Variants in SORL1 observed in about 807,000 individuals in gnomAD.
The protein encoded by SORL1 is sortilin related receptor 1, also known as sortilin-related receptor.
SORL1 carries 127 observed loss-of-function variants against 273.7 expected under a neutral mutation model. The ratio of observed to expected loss-of-function variants is 0.46; its 90% CI spans 0.40 to 0.54. The LOEUF (loss-of-function observed/expected upper bound fraction) is 0.54. Among genes scored for constraint, SORL1 ranks in the 20% least tolerant of loss-of-function variants. The pLI, the probability that SORL1 is intolerant of heterozygous loss-of-function variation, is 0.00. For synonymous variants in SORL1, 1,031 were observed against 1,067.4 expected (o/e 0.97, Z 0.66); for missense variants, 2,494 against 2,846.1 (o/e 0.88, Z 2.81).
At chr11:121,587,800 G>A (rs1042361922) in intron 27 of SORL1, among the ~76,000 whole-genome samples, 7 of 152,124 alleles carry the variant, frequency 4.6e-5, no homozygotes, top group African/African-American at 1.4e-4. Context: ...TTGAATTAGC[G>A]ACAATAAAAT....
Position 121,514,137 on chromosome 11 carries a change from C to A in SORL1, c.1042-15C>A. On this transcript the variant is annotated splice_polypyrimidine_tract_variant and intron_variant, in intron 7 of 47. Transcript: ENST00000260197. The stretch of plus-strand genomic sequence containing the variant: ...TTGTTTTTTGACGTATCTTTTTTGA[C>A]TTTTGATTCCAAAGGAATATTACAT... The A allele has an allele frequency of 1.2e-6, 2 of 1,606,362 alleles. No homozygotes were observed. Among genetic ancestry groups the A allele is most frequent in the African/African-American group, 1.3e-5 (1 of 74,498 alleles).
intron 3 of SORL1, among the ~76,000 whole-genome samples, chr11:121,480,944 A>G (rs1861369777): frequency 8.2e-6 from 1 of 121,314 alleles, no homozygotes; most frequent in Non-Finnish European, 1.7e-5. Flanking sequence ...CTCCTCCCCT[A>G]GTGCACAGAT....
chr11:121,566,136 G>A (rs892421744), intron 21 of SORL1, among the ~76,000 whole-genome samples: 3 of 152,158 alleles, frequency 2.0e-5, no homozygotes, highest in Non-Finnish European at 1.5e-5. Flanking sequence ...GCTAGCTCAA[G>A]TGAATGGTTT....
intron 47 of SORL1, among the ~76,000 whole-genome samples, chr11:121,628,536 A>G (rs957936967): frequency 6.6e-6 from 1 of 152,180 alleles, no homozygotes; most frequent in East Asian, 1.9e-4. Context: ...GCGGCCCCCC[A>G]TTCCTAACAG....
At position 121,595,967 on chromosome 11, in the gene SORL1, A is replaced by G. The variant is rs979601075; in HGVS notation, c.4519+195A>G. ...CCATTGCGTTAGTCACCTTCTTTTT[A>G]ATAAGTTGACTGCGTTTTAAATACC... On this transcript the variant is annotated intron_variant, in intron 32 of 47. Transcript: ENST00000260197. The surrounding 1 kb of genome is among the most constrained non-coding windows in gnomAD (Gnocchi z 5.1). Among the ~76,000 whole-genome samples the G allele has an allele frequency of 6.6e-6, 1 of 152,212 alleles. No homozygotes were observed. Among genetic ancestry groups the G allele is most frequent in the African/African-American group, 2.4e-5 (1 of 41,448 alleles).
chr11:121,489,368 C>T (rs563238082), intron 4 of SORL1, among the ~76,000 whole-genome samples: 34 of 152,312 alleles, frequency 2.2e-4, no homozygotes, highest in African/African-American at 7.7e-4. Context: ...TGAAACGCTA[C>T]ACCCATGAAA....
chr11:121,465,010 A>C (rs918126415), intron 1 of SORL1, among the ~76,000 whole-genome samples: 3 of 152,228 alleles, frequency 2.0e-5, no homozygotes, highest in Non-Finnish European at 2.9e-5. Flanking sequence ...GAGGCCTTAA[A>C]AAAATTTGAG....
chr11:121,525,856 G>A (rs556315464), intron 11 of SORL1, among the ~76,000 whole-genome samples: 81 of 152,176 alleles, frequency 5.3e-4, no homozygotes, highest in Admixed American at 7.8e-4. Flanking sequence ...CATAGGGAAA[G>A]CTTGTCTCTA....
At chr11:121,580,976 G>C (rs900664508) in intron 25 of SORL1, among the ~76,000 whole-genome samples, 11 of 148,838 alleles carry the variant, frequency 7.4e-5, no homozygotes, top group Admixed American at 6.8e-4. Flanking sequence ...ACAGTGGTGC[G>C]ATCTTGGCTT....
At chr11:121,482,667 G>T (rs1285428434) in intron 3 of SORL1, among the ~76,000 whole-genome samples, 1 of 152,252 alleles carries the variant, frequency 6.6e-6, no homozygotes, top group Non-Finnish European at 1.5e-5. Context: ...AAGGCTGGAT[G>T]CCTTGCTGTC....
Position 121,518,833 on chromosome 11 carries a change from C to CA in SORL1, c.1212-1823dup, listed in dbSNP as rs202111191. On this transcript the variant is annotated intron_variant, in intron 8 of 47. Coordinates refer to ENST00000260197, the MANE Select transcript of SORL1 (RefSeq NM_003105.6). ...TGTCTGAGGTGGCAGGGCAGTCATC[C>CA]AGCTGAAGAGATTGTGTGGAGATGG... Among the ~76,000 whole-genome samples the CA allele has an allele frequency of 8.8e-3, 1,339 of 152,234 alleles. 14 individuals are homozygous for CA. The highest frequency in any genetic ancestry group is 0.031 in the African/African-American group (1,285 of 41,556).
chr11:121,498,616 C>T (rs754478220), intron 6 of SORL1, among the ~76,000 whole-genome samples: 4 of 152,112 alleles, frequency 2.6e-5, no homozygotes, highest in Non-Finnish European at 4.4e-5. Context: ...TGGCTCATGC[C>T]TGTAATCCCA....
rs750790723 is a variant in SORL1, at chr11:121,586,261, G to C, written c.3746G>C (p.Cys1249Ser). 4 of 1,613,904 alleles carry C rather than the reference G, an allele frequency of 2.5e-6. No homozygotes were observed. Among genetic ancestry groups the C allele is most frequent in the Non-Finnish European group, 3.4e-6 (4 of 1,179,918 alleles). ...GGATTCCGCTGCCCAAACGGCACTT[G>C]CATCCCATCCAGCAAACATTGTGAT... ...CNGFRCPNGT[C>S]IPSSKHCDGL... is the part of the protein sequence containing the mutation. Residue 1249 changes from cysteine to serine, a missense_variant, in exon 27 of 48, where the codon TGC (cysteine) becomes TCC (serine). Physicochemically the swap from Cys to Ser is moderately radical, Grantham distance 112. Coordinates refer to ENST00000260197, the MANE Select transcript of SORL1 (RefSeq NM_003105.6).
At chr11:121,590,606 C>T (rs1290863346) in intron 30 of SORL1, 5 of 590,234 alleles carry the variant, frequency 8.5e-6, no homozygotes, top group Non-Finnish European at 1.5e-5. Flanking sequence ...TCCTTTCTGG[C>T]ATTCTCATCT....
chr11:121,585,145 A>G (rs1391545733), intron 26 of SORL1, among the ~76,000 whole-genome samples: 1 of 152,240 alleles, frequency 6.6e-6, no homozygotes, highest in Admixed American at 6.5e-5. Context: ...CTCAAGATTC[A>G]TATTGTGCTT....
At chr11:121,495,959 G>T (rs1037523233) in intron 5 of SORL1, among the ~76,000 whole-genome samples, 1 of 152,174 alleles carries the variant, frequency 6.6e-6, no homozygotes, top group African/African-American at 2.4e-5. Context: ...ATAAAATACA[G>T]TGTCTAAGAG....
intron 47 of SORL1, chr11:121,628,994 C>G (rs1023444612): frequency 6.5e-6 from 1 of 154,534 alleles, no homozygotes; most frequent in Admixed American, 6.3e-5. Context: ...CACTGAGTGT[C>G]GGTCCACACT....
At chr11:121,536,862 T>C (rs1323800450) in intron 12 of SORL1, among the ~76,000 whole-genome samples, 1 of 152,148 alleles carries the variant, frequency 6.6e-6, no homozygotes, top group African/African-American at 2.4e-5. Flanking sequence ...TTATTCCTGA[T>C]GAACGGCAAT....
In SORL1 at chr11:121,563,680, A is replaced by T. The variant is rs1467835607; in HGVS notation, c.3050-3260A>T. 6.6e-6 allele frequency among the ~76,000 whole-genome samples: 1 copy of T among 152,200 alleles called. No homozygotes were observed. The highest frequency in any genetic ancestry group is 1.5e-5 in the Non-Finnish European group (1 of 68,022). On this transcript the variant is annotated intron_variant, in intron 21 of 47. Coordinates refer to ENST00000260197, the MANE Select transcript of SORL1 (RefSeq NM_003105.6). The surrounding 1 kb of genome is among the most constrained non-coding windows in gnomAD (Gnocchi z 4.2). ...CAAAGTGCTAGGATTTACAGGTGTGAGCCACTGTGTCTGGCCACTAGCTGG... is the reference window on the plus strand; with the variant it reads ...CAAAGTGCTAGGATTTACAGGTGTGTGCCACTGTGTCTGGCCACTAGCTGG...
Sources: allele counts gnomAD v4.1 joint callset (sites outside exome capture counted in the v4.1 genomes callset), GRCh38; gene constraint gnomAD v4.1.1; non-coding constraint Gnocchi (gnomAD v3.1); transcripts MANE v1.5; gene names NCBI Gene and HGNC (gene_info 2026-07-23, HGNC 2026-07-21).